KHDRBS3: variants seen among roughly 807,000 people sequenced by gnomAD.
KHDRBS3 encodes the protein KH RNA binding domain containing, signal transduction associated 3.
In KHDRBS3, 23 loss-of-function variants were observed where a neutral mutation model predicts 45.6. That is an observed-to-expected ratio of 0.50 (90% CI 0.36 to 0.72). The LOEUF (loss-of-function observed/expected upper bound fraction) is 0.72, where lower values mean the gene tolerates loss of function less well. KHDRBS3 is among the 30% of genes least tolerant of loss of function. KHDRBS3 has a pLI of 0.00. For missense variants in KHDRBS3, 352 were observed against 424.8 expected (o/e 0.83, Z 1.51); for synonymous variants, 162 against 156.5 (o/e 1.04, Z -0.26).
intron 1 of KHDRBS3, among the ~76,000 whole-genome samples, chr8:135,473,228 C>T (rs930562779): frequency 2.0e-5 from 3 of 152,092 alleles, no homozygotes; most frequent in Non-Finnish European, 4.4e-5. Context: ...GGAAAGCTTC[C>T]TGGCTCCTCA....
Position 135,612,533 on chromosome 8 carries a change from A to C in KHDRBS3, c.890+5496A>C, listed in dbSNP as rs1829747010. On this transcript the variant is annotated intron_variant, in intron 7 of 8. Coordinates refer to ENST00000355849, the MANE Select transcript of KHDRBS3 (RefSeq NM_006558.3). ...GATGCACTGGTGGGCAGTGCCATGT[A>C]GCACTTGATGTCTTATCTAACATGT... is the stretch of plus-strand genomic sequence containing the variant. 1.3e-5 allele frequency among the ~76,000 whole-genome samples: 2 copies of C among 151,934 alleles called. 1 individual carries two copies. Among genetic ancestry groups the C allele is most frequent in the African/African-American group, 4.9e-5 (2 of 41,184 alleles).
chr8:135,606,047 G>GCTAT (rs1370874826), intron 6 of KHDRBS3, among the ~76,000 whole-genome samples: 3 of 152,040 alleles, frequency 2.0e-5, no homozygotes, highest in Admixed American at 6.6e-5. Context: ...CTTGTGCATT[G>GCTAT]CTATTGAAGT....
intron 7 of KHDRBS3, among the ~76,000 whole-genome samples, chr8:135,626,812 A>G (rs1344311660): frequency 1.9e-5 from 2 of 105,542 alleles, no homozygotes; most frequent in African/African-American, 1.1e-4. Flanking sequence ...TCAAAAAAAA[A>G]AAAAAAAAAA....
At chr8:135,477,331 C>G (rs1822341769) in intron 1 of KHDRBS3, among the ~76,000 whole-genome samples, 1 of 152,036 alleles carries the variant, frequency 6.6e-6, no homozygotes. Context: ...TTTTGCTGTG[C>G]TGTAAAAAGT....
intron 2 of KHDRBS3, among the ~76,000 whole-genome samples, chr8:135,534,123 C>A (rs1825615912): frequency 6.6e-6 from 1 of 152,078 alleles, no homozygotes; most frequent in African/African-American, 2.4e-5. Flanking sequence ...TTATATCCTC[C>A]TTTTTACTTT....
chr8:135,642,394 C>A (rs528131839), intron 7 of KHDRBS3, among the ~76,000 whole-genome samples: 11 of 152,322 alleles, frequency 7.2e-5, no homozygotes, highest in Admixed American at 3.3e-4. Flanking sequence ...AGCTCATGCA[C>A]ATGAGAAGTT....
intron 6 of KHDRBS3, among the ~76,000 whole-genome samples, chr8:135,589,849 C>A (rs1828665521): frequency 6.6e-6 from 1 of 152,148 alleles, no homozygotes; most frequent in Non-Finnish European, 1.5e-5. Context: ...CTGTGTCGTG[C>A]CATGTGTTAT....
rs543251705 is a variant in KHDRBS3 at position 135,491,784 on chromosome 8, T to C, written c.89-29453T>C. Among the ~76,000 whole-genome samples, 3 of 152,294 alleles carry C rather than the reference T, an allele frequency of 2.0e-5. No homozygotes were observed. In the South Asian group the frequency reaches 6.2e-4, roughly 32 times the overall value. ...AGACAACGTTGTTTTAGCCTTTTTT[T>C]ACTATGTTAACATTTTTACTTATAA... On this transcript the variant is annotated intron_variant, in intron 1 of 8. Coordinates refer to ENST00000355849, the MANE Select transcript of KHDRBS3 (RefSeq NM_006558.3).
intron 7 of KHDRBS3, 88 bp from the exon 8 acceptor site, chr8:135,644,970 TG>T: frequency 7.3e-7 from 1 of 1,361,756 alleles, no homozygotes; most frequent in African/African-American, 1.4e-5. Flanking sequence ...CTTCATTAGT[TG>T]TCTTTAAGTT....
chr8:135,491,902 ATTTTCT>A (rs1402107921), intron 1 of KHDRBS3, among the ~76,000 whole-genome samples: 1 of 150,918 alleles, frequency 6.6e-6, no homozygotes, highest in Non-Finnish European at 1.5e-5. Flanking sequence ...ACTGGTAGTA[ATTTTCT>A]TTTTCACTGC....
At chr8:135,465,007 T>A (rs1164132857) in intron 1 of KHDRBS3, among the ~76,000 whole-genome samples, 1 of 152,154 alleles carries the variant, frequency 6.6e-6, no homozygotes, top group East Asian at 1.9e-4. Flanking sequence ...TTGGACTGGG[T>A]GAGCAGGGCA....
At chr8:135,472,749 G>A (rs1020033743) in intron 1 of KHDRBS3, among the ~76,000 whole-genome samples, 2 of 152,136 alleles carry the variant, frequency 1.3e-5, no homozygotes, top group East Asian at 1.9e-4. Context: ...AGGTTGAAAC[G>A]TTTTGTATTA....
chr8:135,590,683 G>A (rs897959705), intron 6 of KHDRBS3, among the ~76,000 whole-genome samples: 3 of 152,198 alleles, frequency 2.0e-5, no homozygotes, highest in Non-Finnish European at 4.4e-5. Context: ...ATGAGTAGTT[G>A]TGAGCCTTTT....
intron 1 of KHDRBS3, among the ~76,000 whole-genome samples, chr8:135,500,441 AG>A (rs1161672700): frequency 2.6e-5 from 4 of 152,148 alleles, no homozygotes; most frequent in Non-Finnish European, 5.9e-5. Context: ...CAATGGAAGT[AG>A]TTTTTTAAAT....
intron 3 of KHDRBS3, among the ~76,000 whole-genome samples, chr8:135,543,688 T>C (rs1826152439): frequency 6.6e-6 from 1 of 152,234 alleles, no homozygotes; most frequent in South Asian, 2.1e-4. Flanking sequence ...GGAGATAATA[T>C]TTTCTTCATT....
intron 7 of KHDRBS3, among the ~76,000 whole-genome samples, chr8:135,608,478 A>G (rs1172685400): frequency 3.9e-5 from 6 of 152,202 alleles, no homozygotes; most frequent in African/African-American, 7.2e-5. Context: ...CAACAGTACT[A>G]TAAAGCTGAT....
At chr8:135,633,854 T>C (rs1830705201) in intron 7 of KHDRBS3, among the ~76,000 whole-genome samples, 1 of 152,226 alleles carries the variant, frequency 6.6e-6, no homozygotes, top group African/African-American at 2.4e-5. Context: ...TTTGTTACAA[T>C]CAGTGAACCT....
At chr8:135,637,818 AAAT>A (rs1304807959) in intron 7 of KHDRBS3, among the ~76,000 whole-genome samples, 4 of 152,218 alleles carry the variant, frequency 2.6e-5, no homozygotes, top group Non-Finnish European at 4.4e-5. Context: ...CTGTAAAATT[AAAT>A]AATATGTCTA....
At chr8:135,598,717 G>A (rs1829079139) in intron 6 of KHDRBS3, among the ~76,000 whole-genome samples, 1 of 152,038 alleles carries the variant, frequency 6.6e-6, no homozygotes, top group Admixed American at 6.6e-5. Context: ...GCATCGACCC[G>A]GATACTATTA....
Sources: allele counts gnomAD v4.1 joint callset (sites outside exome capture counted in the v4.1 genomes callset), GRCh38; gene constraint gnomAD v4.1.1; transcripts MANE v1.5; gene names NCBI Gene and HGNC (gene_info 2026-07-23, HGNC 2026-07-21).